Variants in ANXA3 observed in about 807,000 individuals in gnomAD.
ANXA3 encodes 35-alpha calcimedin.
Under a neutral mutation model 48.8 loss-of-function variants are expected in ANXA3, and 46 were observed. The observed-to-expected ratio is 0.94, with a 90% CI of 0.74 to 1.21. The LOEUF is 1.21. Ranked by LOEUF, ANXA3 falls within the 50% of genes most tolerant of loss-of-function variation. The probability of loss-of-function intolerance (pLI) is 0.00; values close to 1 mark genes in which losing one functional copy is unlikely to be tolerated. For synonymous variants in ANXA3, 128 were observed against 134.7 expected, an observed-to-expected ratio of 0.95 and a Z score of 0.35; for missense variants, 383 against 378.6, an observed-to-expected ratio of 1.01 and a Z score of -0.10.
At chr4:78,561,439 C>T (rs1722626226) in intron 2 of ANXA3, among the ~76,000 whole-genome samples, 1 of 152,126 alleles carries the variant, frequency 6.6e-6, no homozygotes, top group Non-Finnish European at 1.5e-5. Context: ...ATAGAAGACA[C>T]CAGCCCTGGG....
intron 2 of ANXA3, among the ~76,000 whole-genome samples, chr4:78,557,096 A>G (rs1412759467): frequency 6.6e-6 from 1 of 152,088 alleles, no homozygotes; most frequent in Non-Finnish European, 1.5e-5. Context: ...AAGCCCTTTT[A>G]GGTTGTTGGT....
At chr4:78,596,113 G>A (rs558168898) in intron 9 of ANXA3, among the ~76,000 whole-genome samples, 1 of 152,152 alleles carries the variant, frequency 6.6e-6, no homozygotes, top group African/African-American at 2.4e-5. Flanking sequence ...GTGAGTACCA[G>A]GTAATAGATG....
At chr4:78,563,725 G>C (rs1445963408) in intron 2 of ANXA3, among the ~76,000 whole-genome samples, 1 of 152,146 alleles carries the variant, frequency 6.6e-6, no homozygotes, top group African/African-American at 2.4e-5. Flanking sequence ...AAGACAGACA[G>C]CCACCGTTCT....
chr4:78,574,424 A>G (rs907991517), intron 3 of ANXA3, among the ~76,000 whole-genome samples: 8 of 152,280 alleles, frequency 5.3e-5, no homozygotes, highest in Admixed American at 2.6e-4. Context: ...TATTTCAAAA[A>G]CAAAACAACA....
chr4:78,579,196 A>C, intron 4 of ANXA3, 75 bp downstream of exon 4: 1 of 975,900 alleles, frequency 1.0e-6, no homozygotes, highest in Non-Finnish European at 1.6e-6. Flanking sequence ...GGTTATGCCC[A>C]CAGTCTTCTG....
intron 9 of ANXA3, among the ~76,000 whole-genome samples, chr4:78,596,523 A>C (rs552844639): frequency 5.3e-5 from 8 of 152,360 alleles, no homozygotes; most frequent in African/African-American, 1.9e-4. Flanking sequence ...ACAACCACAC[A>C]GCAAGACCAA....
At chr4:78,568,297 G>C (rs1722771032) in intron 2 of ANXA3, among the ~76,000 whole-genome samples, 1 of 152,198 alleles carries the variant, frequency 6.6e-6, no homozygotes, top group South Asian at 2.1e-4. Flanking sequence ...CAATTTCCAA[G>C]TTTGATTGCT....
At chr4:78,579,561 T>C (rs1578396962) in intron 4 of ANXA3, among the ~76,000 whole-genome samples, 1 of 152,248 alleles carries the variant, frequency 6.6e-6, no homozygotes, top group Non-Finnish European at 1.5e-5. Flanking sequence ...ACTATCTGAC[T>C]AATTCTGTCT....
intron 2 of ANXA3, among the ~76,000 whole-genome samples, chr4:78,556,139 G>C (rs1193427137): frequency 1.3e-5 from 2 of 152,108 alleles, no homozygotes; most frequent in South Asian, 2.1e-4. Flanking sequence ...TGAAAAAATA[G>C]GGGCCCAAGT....
At chr4:78,557,807 T>TA (rs913243729) in intron 2 of ANXA3, among the ~76,000 whole-genome samples, 3 of 151,428 alleles carry the variant, frequency 2.0e-5, no homozygotes, top group African/African-American at 7.3e-5. Flanking sequence ...GAAAACAAGA[T>TA]AGCAATTCTC....
chr4:78,564,265 T>C (rs1722684174), intron 2 of ANXA3, among the ~76,000 whole-genome samples: 1 of 152,170 alleles, frequency 6.6e-6, no homozygotes, highest in Non-Finnish European at 1.5e-5. Flanking sequence ...CAGTCATGCA[T>C]TTCATGTCTC....
chr4:78,586,411 T>G, intron 6 of ANXA3, 61 bp downstream of exon 6: 2 of 1,248,738 alleles, frequency 1.6e-6, no homozygotes, highest in Non-Finnish European at 2.3e-6. Context: ...ATGTTGCTTT[T>G]CCTAGAATCC....
intron 7 of ANXA3, among the ~76,000 whole-genome samples, chr4:78,594,278 AT>A (rs1337064269): frequency 4.7e-5 from 7 of 149,858 alleles, no homozygotes; most frequent in African/African-American, 1.5e-4. Flanking sequence ...TAGAATATTT[AT>A]TTTACCTGCT....
Position 78,595,436 on chromosome 4 carries a change from A to G in ANXA3, c.539A>G (p.Gln180Arg). ...GAGCATCTGGCCAAACAAGATGCCCAGGTCAGTAACAAAGCGGGAAAACAT... is the reference window on the plus strand; with the variant it reads ...GAGCATCTGGCCAAACAAGATGCCCGGGTCAGTAACAAAGCGGGAAAACAT... ...VDEHLAKQDA[Q>R]ILYKAGENRW... is the part of the protein sequence containing the mutation. The change falls in exon 8 of 13, where the codon CAG becomes CGG. Residue 180 changes from glutamine (Q) to arginine (R), a missense_variant and splice_region_variant. Gln to Arg is a conservative substitution (Grantham distance 43, BLOSUM62 1). Coordinates refer to ENST00000264908, the MANE Select transcript of ANXA3 (RefSeq NM_005139.3). The G allele has an allele frequency of 2.5e-6, 4 of 1,613,310 alleles. No homozygotes were observed. Among genetic ancestry groups the G allele is most frequent in the Non-Finnish European group, 3.4e-6 (4 of 1,179,788 alleles).
At chr4:78,578,328 A>AGAGAGAGAGAGAGAGAGAGAGG in intron 3 of ANXA3, among the ~76,000 whole-genome samples, 1 of 114,232 alleles carries the variant, frequency 8.8e-6, no homozygotes, top group Non-Finnish European at 1.7e-5. Flanking sequence ...AGAGAGAGAG[A>AGAGAGAGAGAGAGAGAGAGAGG]GAAAGGGAGG....
intron 6 of ANXA3, among the ~76,000 whole-genome samples, chr4:78,588,323 A>T (rs906076222): frequency 2.0e-5 from 3 of 151,298 alleles, no homozygotes; most frequent in African/African-American, 7.3e-5. Flanking sequence ...AGTCTAAGAG[A>T]TTGAGGCCAC....
At chr4:78,601,700 C>A in intron 11 of ANXA3, 132 bp downstream of exon 11, 2 of 754,722 alleles carry the variant, frequency 2.6e-6, no homozygotes, top group Admixed American at 5.0e-5. Flanking sequence ...AATTATATTA[C>A]AGCAAATCAA....
intron 2 of ANXA3, among the ~76,000 whole-genome samples, chr4:78,562,037 G>T (rs1475761881): frequency 1.3e-5 from 2 of 152,150 alleles, no homozygotes; most frequent in African/African-American, 2.4e-5. Context: ...AGGAGGGAGG[G>T]TCCCTCTTTT....
chr4:78,566,329 T>C (rs1722730099), intron 2 of ANXA3, among the ~76,000 whole-genome samples: 2 of 152,100 alleles, frequency 1.3e-5, no homozygotes, highest in African/African-American at 4.8e-5. Flanking sequence ...ACTGCCCTGA[T>C]GATGAAATCA....
Sources: gnomAD v4.1 joint callset for allele counts (sites outside exome capture counted in the v4.1 genomes callset) on GRCh38, gnomAD v4.1.1 for gene constraint, MANE v1.5 for transcripts, NCBI Gene and HGNC (gene_info 2026-07-23, HGNC 2026-07-21) for gene names.